The following BPIFB1 variants were observed in gnomAD, a reference collection of about 807,000 sequenced individuals.
BPIFB1 encodes BPI fold-containing family B member 1.
Under a neutral mutation model 55.1 loss-of-function variants are expected in BPIFB1, and 34 were observed. The observed-to-expected ratio is 0.62, with a 90% confidence interval of 0.47 to 0.82. The LOEUF is 0.82. Ranked by LOEUF, BPIFB1 falls within the 40% of genes least tolerant of loss-of-function variation. BPIFB1 has a pLI of 0.00. For missense variants in BPIFB1, 532 were observed against 593.1 expected (o/e 0.90, Z 1.07); for synonymous variants, 236 against 245.3 (o/e 0.96, Z 0.35).
chr20:33,283,721 G>T (rs888876058), intron 1 of BPIFB1, among the ~76,000 whole-genome samples: 26 of 152,066 alleles, frequency 1.7e-4, no homozygotes, highest in Non-Finnish European at 8.8e-5. Context: ...AAGGCGATTG[G>T]GCAAAGGAGG....
At chr20:33,290,839 G>A in intron 4 of BPIFB1, 118 bp from the exon 5 acceptor site, 1 of 1,154,142 alleles carries the variant, frequency 8.7e-7, no homozygotes, top group Non-Finnish European at 1.2e-6. Context: ...AAGATGAGGA[G>A]AAACCAGCAA....
At chr20:33,284,960 T>C (rs1352689666) in intron 1 of BPIFB1, among the ~76,000 whole-genome samples, 2 of 152,136 alleles carry the variant, frequency 1.3e-5, no homozygotes, top group Non-Finnish European at 2.9e-5. Context: ...CCCTTAGTAT[T>C]GCAGATTAAG....
chr20:33,293,224 C>G (rs1049657612), intron 6 of BPIFB1, among the ~76,000 whole-genome samples: 1 of 152,150 alleles, frequency 6.6e-6, no homozygotes, highest in Non-Finnish European at 1.5e-5. Context: ...TGCCTGGCGA[C>G]TTTTTTCTTT....
chr20:33,294,788 C>T (rs1010987087), intron 6 of BPIFB1, among the ~76,000 whole-genome samples: 1 of 152,256 alleles, frequency 6.6e-6, no homozygotes, highest in South Asian at 2.1e-4. Flanking sequence ...GTGTGAAAGC[C>T]GGCATCCCAT....
intron 8 of BPIFB1, 42 bp from the exon 9 acceptor site, chr20:33,301,190 CA>C: frequency 6.3e-7 from 1 of 1,580,116 alleles, no homozygotes. Context: ...GGGTAAGCTG[CA>C]GAGTTAAAAT....
At chr20:33,303,160 A>T in intron 11 of BPIFB1, 86 bp downstream of exon 11, 3 of 1,526,210 alleles carry the variant, frequency 2.0e-6, no homozygotes, top group Non-Finnish European at 1.8e-6. Flanking sequence ...TTTGTTAAAC[A>T]TTTCCACCAC....
chr20:33,289,406 A>C (rs368640416), intron 3 of BPIFB1, among the ~76,000 whole-genome samples: 4 of 151,578 alleles, frequency 2.6e-5, no homozygotes, highest in Admixed American at 2.0e-4. Flanking sequence ...AAAAAAAAAA[A>C]AACAACCCAG....
At chr20:33,291,880 T>A (rs1980483633) in intron 5 of BPIFB1, 27 bp from the exon 6 acceptor site, 1 of 1,599,610 alleles carries the variant, frequency 6.3e-7, no homozygotes. Flanking sequence ...CCCTTCCTAA[T>A]GTCTCTCGTG....
At chr20:33,286,287 C>T in intron 2 of BPIFB1, 99 bp downstream of exon 2, 2 of 1,044,080 alleles carry the variant, frequency 1.9e-6, no homozygotes, top group Non-Finnish European at 2.9e-6. Context: ...GGGGGATGTG[C>T]ATGGCTGAGA....
intron 2 of BPIFB1, among the ~76,000 whole-genome samples, chr20:33,287,352 G>T (rs572524019): frequency 2.0e-5 from 3 of 152,222 alleles, no homozygotes; most frequent in Non-Finnish European, 4.4e-5. Flanking sequence ...GGCGACTGAA[G>T]CTCAGTCCTG....
At chr20:33,292,066 T>C in intron 6 of BPIFB1, 78 bp downstream of exon 6, 1 of 1,300,294 alleles carries the variant, frequency 7.7e-7, no homozygotes, top group Non-Finnish European at 1.1e-6. Flanking sequence ...AAGTTGGTGC[T>C]AAGTGACTGG....
rs1309432297 is a variant in BPIFB1, at chr20:33,303,850, C to G, written c.1141-108C>G. Reference sequence around the variant, plus strand: ...GAGAGGTCAAACCCTTTGCCAAGGTCCCAGAGCCAGGAACTGAGATTCAGA... The same window carrying G: ...GAGAGGTCAAACCCTTTGCCAAGGTGCCAGAGCCAGGAACTGAGATTCAGA... On this transcript the variant is annotated intron_variant, in intron 11 of 15. Transcript: ENST00000253354. 4.4e-6 allele frequency: 5 copies of G among 1,127,578 alleles called. No individual in the cohort carries two copies. In the Admixed American group the frequency reaches 1.0e-4, roughly 23 times the overall value. The allele number at this position is 1,127,578 out of a possible 1,614,324, so 69.8% of individuals were successfully genotyped here. A position where few individuals can be genotyped will look rare whatever the true frequency, so the allele number is the denominator to read the frequency against.
At chr20:33,304,974 G>A (rs1980976373) in intron 13 of BPIFB1, 83 bp downstream of exon 13, 4 of 1,518,014 alleles carry the variant, frequency 2.6e-6, no homozygotes, top group Non-Finnish European at 3.7e-6. Flanking sequence ...CCCAGGATTT[G>A]CTTCAAACAA....
At position 33,291,107 on chromosome 20, in the gene BPIFB1, G is replaced by A. The variant is rs770467325; in HGVS notation, c.515+1G>A. ...GCCTGCGCATCCAACTGCTGCATAA[G>A]TGAGTGTCGCTGGCCACCAGCCGGG... On this transcript the variant is annotated splice_donor_variant, in intron 5 of 15. Coordinates refer to ENST00000253354, the MANE Select transcript of BPIFB1 (RefSeq NM_033197.3). LOFTEE classifies it high-confidence loss of function. 6.2e-7 allele frequency: 1 copy of A among 1,609,944 alleles called. No individual in the cohort carries two copies. The highest frequency in any genetic ancestry group is 1.1e-5 in the South Asian group (1 of 91,054).
At chr20:33,287,716 G>A (rs1980315712) in intron 2 of BPIFB1, among the ~76,000 whole-genome samples, 1 of 152,166 alleles carries the variant, frequency 6.6e-6, no homozygotes, top group East Asian at 1.9e-4. Context: ...AAAATTCTCT[G>A]GGAAGCTGCC....
At chr20:33,284,964 G>A (rs1204224800) in intron 1 of BPIFB1, among the ~76,000 whole-genome samples, 1 of 152,106 alleles carries the variant, frequency 6.6e-6, no homozygotes, top group Non-Finnish European at 1.5e-5. Flanking sequence ...TAGTATTGCA[G>A]ATTAAGCAAA....
chr20:33,291,011 C>T lies in BPIFB1; in HGVS notation c.420C>T (p.Thr140=). The stretch of plus-strand genomic sequence containing the variant: ...ACATGACGACTGAGGCCCAAGCCAC[C>T]ATCCGCATGGACACCAGTGCAAGTG... The part of the protein sequence containing the change: ...EFHMTTEAQA[T]IRMDTSASGP... Residue 140 remains threonine, a synonymous_variant, in exon 5 of 16, where the codon ACC becomes ACT. Coordinates refer to ENST00000253354, the MANE Select transcript of BPIFB1 (RefSeq NM_033197.3). 6.2e-7 allele frequency: 1 copy of T among 1,613,982 alleles called. No homozygotes were observed. The highest frequency in any genetic ancestry group is 8.5e-7 in the Non-Finnish European group (1 of 1,180,022).
chr20:33,300,465 G>A (rs182089284), intron 8 of BPIFB1, among the ~76,000 whole-genome samples: 4 of 152,228 alleles, frequency 2.6e-5, no homozygotes, highest in Non-Finnish European at 4.4e-5. Context: ...ACCATGCCTG[G>A]CAGACCAGAA....
chr20:33,293,826 G>A (rs533303381), intron 6 of BPIFB1, among the ~76,000 whole-genome samples: 1 of 151,896 alleles, frequency 6.6e-6, no homozygotes, highest in African/African-American at 2.4e-5. Context: ...AGGCATGACG[G>A]CAAGACTCTG....
Sources: gnomAD v4.1 joint callset for allele counts (sites outside exome capture counted in the v4.1 genomes callset) on GRCh38, gnomAD v4.1.1 for gene constraint, MANE v1.5 for transcripts, NCBI Gene and HGNC (gene_info 2026-07-23, HGNC 2026-07-21) for gene names.